KANSL3: variants seen among roughly 807,000 people sequenced by gnomAD.
The protein encoded by KANSL3 is NSL complex protein NSL3.
Under a neutral mutation model 89.2 loss-of-function variants are expected in KANSL3, and 16 were observed. The ratio of observed to expected loss-of-function variants is 0.18; its 90% CI spans 0.12 to 0.27. The LOEUF (loss-of-function observed/expected upper bound fraction) is 0.27. Ranked by LOEUF, KANSL3 falls within the 10% of genes least tolerant of loss-of-function variation. The pLI is 1.00. For synonymous variants in KANSL3, 385 were observed against 419.7 expected (o/e 0.92, Z 1.01); for missense variants, 879 against 1,110.6 (o/e 0.79, Z 2.96).
chr2:96,597,533 T>A (rs1297811435), intron 20 of KANSL3, among the ~76,000 whole-genome samples: 3 of 152,222 alleles, frequency 2.0e-5, no homozygotes, highest in African/African-American at 4.8e-5. Context: ...TCTAATAACA[T>A]CCCCTTGCTT....
chr2:96,605,074 C>CA (rs1174023264), intron 15 of KANSL3, among the ~76,000 whole-genome samples: 2 of 152,074 alleles, frequency 1.3e-5, no homozygotes, highest in Non-Finnish European at 2.9e-5. Context: ...TTGAAGCCAA[C>CA]AAAAAAAGAA....
At chr2:96,614,720 A>C (rs1160133795) in intron 5 of KANSL3, among the ~76,000 whole-genome samples, 2 of 151,452 alleles carry the variant, frequency 1.3e-5, no homozygotes, top group Non-Finnish European at 2.9e-5. Context: ...GTGGTGAGCC[A>C]AGGTCATGAC....
chr2:96,631,686 TG>T (rs1208133060), intron 2 of KANSL3: 1 of 663,172 alleles, frequency 1.5e-6, no homozygotes, highest in African/African-American at 1.8e-5. Flanking sequence ...TGGTATGTAC[TG>T]GAAGAACACA....
chr2:96,605,259 A>G, intron 15 of KANSL3, 61 bp downstream of exon 15: 1 of 1,421,304 alleles, frequency 7.0e-7, no homozygotes, highest in South Asian at 1.3e-5. Context: ...TGGCCACCAA[A>G]GGGCAATGCT....
At chr2:96,619,329 G>A in intron 5 of KANSL3, 30 bp downstream of exon 5, 1 of 1,588,274 alleles carries the variant, frequency 6.3e-7, no homozygotes. Context: ...GCTATCCCTA[G>A]GACAGGGCAG....
At chr2:96,598,493 G>T (rs969514088) in intron 20 of KANSL3, among the ~76,000 whole-genome samples, 1 of 152,082 alleles carries the variant, frequency 6.6e-6, no homozygotes, top group Non-Finnish European at 1.5e-5. Flanking sequence ...TTTTGATAGG[G>T]TCTTGTTGCC....
In KANSL3 at chr2:96,612,806, C is replaced by G; in HGVS notation, c.912+12G>C. On this transcript the variant is annotated intron_variant, in intron 7 of 20. Coordinates refer to ENST00000431828, the MANE Select transcript of KANSL3 (RefSeq NM_001115016.3). ...CCTGCCAGGAAGGAGTTCCTCTTGC[C>G]CCCACACATACCTTGCCCAAGCAGG... 1 of 1,541,178 alleles carries G rather than the reference C, an allele frequency of 6.5e-7. No individual in the cohort carries two copies. The highest frequency in any genetic ancestry group is 8.8e-7 in the Non-Finnish European group (1 of 1,136,128).
downstream of KANSL3, among the ~76,000 whole-genome samples, chr2:96,590,663 T>C (rs1304323387): frequency 6.6e-6 from 1 of 151,622 alleles, no homozygotes; most frequent in Non-Finnish European, 1.5e-5. Flanking sequence ...CAGAGAGAAA[T>C]GAAAACTCAT....
chr2:96,598,224 C>G, intron 20 of KANSL3: 3 of 700,460 alleles, frequency 4.3e-6, no homozygotes, highest in Non-Finnish European at 5.3e-6. Flanking sequence ...ACTATCATTT[C>G]TGTACTATAA....
intron 20 of KANSL3, chr2:96,601,016 G>T (rs1368908570): frequency 1.0e-5 from 5 of 480,340 alleles, no homozygotes; most frequent in Non-Finnish European, 1.4e-5. Flanking sequence ...GCCAGGAGCG[G>T]TGGCTCACAC....
At chr2:96,629,701 C>T (rs2073050113) in intron 3 of KANSL3, among the ~76,000 whole-genome samples, 1 of 152,190 alleles carries the variant, frequency 6.6e-6, no homozygotes, top group Non-Finnish European at 1.5e-5. Context: ...ACTGCTCCTC[C>T]CTCAACAGCT....
Position 96,619,501 on chromosome 2 carries a change from C to T in KANSL3, c.521G>A (p.Cys174Tyr). 6.2e-7 allele frequency: 1 copy of T among 1,614,076 alleles called. No homozygotes were observed. The highest frequency in any genetic ancestry group is 1.3e-5 in the African/African-American group (1 of 75,072). ...PVLRRVAVDK[C>Y]ARRVRQALAS... is the part of the protein sequence containing the mutation. ...CAGAGCCTGCCGCACTCTCCTTGCACACTTGTCCACAGCAACACGGCGCAG... is the reference window on the plus strand; with the variant it reads ...CAGAGCCTGCCGCACTCTCCTTGCATACTTGTCCACAGCAACACGGCGCAG... The change falls in exon 5 of 21, where the codon TGT becomes TAT. Residue 174 changes from cysteine (C) to tyrosine (Y), a missense_variant. Around this residue, in one of 6 missense-constraint regions of KANSL3, gnomAD observed 210 missense variants for 311.9 expected, o/e 0.67. Coordinates refer to ENST00000431828, the MANE Select transcript of KANSL3 (RefSeq NM_001115016.3).
chr2:96,619,230 A>G (rs1237435248), intron 5 of KANSL3, 129 bp downstream of exon 5: 1 of 760,868 alleles, frequency 1.3e-6, no homozygotes, highest in Non-Finnish European at 2.1e-6. Flanking sequence ...CAATTTTAGT[A>G]CCAAACCCAT....
chr2:96,595,736 GAATT>G, intron 20 of KANSL3, 105 bp from the exon 21 acceptor site: 1 of 1,285,940 alleles, frequency 7.8e-7, no homozygotes, highest in Non-Finnish European at 1.1e-6. Flanking sequence ...TTATTTTAAA[GAATT>G]AATTCTCAAT....
the KANSL3 span, among the ~76,000 whole-genome samples, chr2:96,585,820 G>A: frequency 6.6e-6 from 1 of 152,188 alleles, no homozygotes; most frequent in African/African-American, 2.4e-5. Context: ...CACCAACCTG[G>A]ATGGAGCTGA....
rs2066397869 is a variant in KANSL3, at chr2:96,594,418, GACC to G, written c.*1190_*1192del. 6.6e-6 allele frequency: 1 copy of G among 152,236 alleles called. No individual in the cohort carries two copies. Among genetic ancestry groups the G allele is most frequent in the Non-Finnish European group, 1.5e-5 (1 of 68,068 alleles). 9.4% of individuals were successfully genotyped at this position (152,236 alleles called of 1,614,324 possible). On this transcript the variant is annotated 3_prime_UTR_variant, in exon 21 of 21. Transcript: ENST00000431828. ...AGGGGATCAGAGCTCCATCTTCTGT[GACC>G]ACTTCTCCAGGGACTGCCACCTATA...
Position 96,601,697 on chromosome 2 carries a change from T to G in KANSL3, c.2562A>C (p.Ser854=). 6.2e-7 allele frequency: 1 copy of G among 1,613,362 alleles called. No individual in the cohort carries two copies. The highest frequency in any genetic ancestry group is 1.3e-5 in the African/African-American group (1 of 75,036). ...AGGACTCCTCGGATGGGGCTGCTCC[T>G]GAGCCCATAGGGCTCAGTGTAGTGA... ...SRITTLSPMG[S]GAAPSEESSS... The change falls in exon 20 of 21, where the codon TCA becomes TCC. Residue 854 remains serine, a synonymous_variant. Transcript: ENST00000431828.
intron 20 of KANSL3, chr2:96,600,463 C>T: frequency 2.0e-6 from 2 of 985,330 alleles, no homozygotes; most frequent in Non-Finnish European, 2.4e-6. Flanking sequence ...TAGCTATGAT[C>T]CCAACGAATG....
At chr2:96,615,686 A>C (rs2069951694) in intron 5 of KANSL3, 1 of 363,232 alleles carries the variant, frequency 2.8e-6, no homozygotes, top group South Asian at 2.1e-5. Context: ...GTTGCTCTTA[A>C]TTTAAAAACA....
Sources: gnomAD v4.1 joint callset for allele counts (sites outside exome capture counted in the v4.1 genomes callset) on GRCh38, gnomAD v4.1.1 for gene constraint, gnomAD v4.1.1 regional missense constraint, MANE v1.5 for transcripts, NCBI Gene and HGNC (gene_info 2026-07-23, HGNC 2026-07-21) for gene names.